ZFPM2: variants seen among roughly 807,000 people sequenced by gnomAD.
ZFPM2 encodes the protein zinc finger protein ZFPM2.
Under a neutral mutation model 98.6 loss-of-function variants are expected in ZFPM2, and 20 were observed. The ratio of observed to expected loss-of-function variants is 0.20; its 90% CI spans 0.14 to 0.29. The LOEUF (loss-of-function observed/expected upper bound fraction) is 0.29. Among genes scored for constraint, ZFPM2 ranks in the 10% least tolerant of loss-of-function variants. The pLI is 1.00. For missense variants in ZFPM2, 1,310 were observed against 1,388.6 expected, an observed-to-expected ratio of 0.94 and a Z score of 0.90; for synonymous variants, 518 against 502.7, an observed-to-expected ratio of 1.03 and a Z score of -0.41.
intron 4 of ZFPM2, among the ~76,000 whole-genome samples, chr8:105,570,403 A>G (rs1300001483): frequency 6.6e-6 from 1 of 152,088 alleles, no homozygotes; most frequent in African/African-American, 2.4e-5. Flanking sequence ...AAGGCCTGCT[A>G]TTGAATGTGA....
intron 3 of ZFPM2, among the ~76,000 whole-genome samples, chr8:105,462,410 TC>T (rs1262921785): frequency 6.6e-6 from 1 of 152,104 alleles, no homozygotes; most frequent in Non-Finnish European, 1.5e-5. Context: ...CTGCAAAGCT[TC>T]CTGTGCGAAG....
chr8:105,397,424 T>C (rs1209051009), intron 1 of ZFPM2, among the ~76,000 whole-genome samples: 1 of 152,198 alleles, frequency 6.6e-6, no homozygotes, highest in South Asian at 2.1e-4. Flanking sequence ...GTAGTTTTGC[T>C]GTACTGCTTT....
chr8:105,337,002 A>G (rs1235575651), intron 1 of ZFPM2, among the ~76,000 whole-genome samples: 1 of 151,828 alleles, frequency 6.6e-6, no homozygotes, highest in Non-Finnish European at 1.5e-5. Context: ...AAATTCCTTT[A>G]GAAAGATCCT....
intron 1 of ZFPM2, among the ~76,000 whole-genome samples, chr8:105,376,970 T>TC: frequency 6.6e-6 from 1 of 152,348 alleles, no homozygotes. Flanking sequence ...CTTTGAAACT[T>TC]CCTGCTCAGC....
chr8:105,568,590 C>G (rs1815288479), intron 4 of ZFPM2, among the ~76,000 whole-genome samples: 1 of 152,146 alleles, frequency 6.6e-6, no homozygotes, highest in South Asian at 2.1e-4. Flanking sequence ...TGATTGTTCT[C>G]CTCTTTCTGT....
intron 5 of ZFPM2, among the ~76,000 whole-genome samples, chr8:105,741,302 C>T (rs1332605320): frequency 1.3e-5 from 2 of 152,024 alleles, no homozygotes; most frequent in African/African-American, 2.4e-5. Context: ...TGAAACTGAG[C>T]GCCTATTAGG....
chr8:105,415,953 C>T (rs996754581), intron 1 of ZFPM2, among the ~76,000 whole-genome samples: 1 of 151,842 alleles, frequency 6.6e-6, no homozygotes. Flanking sequence ...AAATTTTGAA[C>T]AAATGAGCTT....
At chr8:105,410,555 A>T (rs1395225404) in intron 1 of ZFPM2, among the ~76,000 whole-genome samples, 2 of 151,922 alleles carry the variant, frequency 1.3e-5, no homozygotes, top group Admixed American at 1.3e-4. Flanking sequence ...ATAACTTAGA[A>T]ATCACTTCCT....
In ZFPM2 at chr8:105,802,166, C is replaced by A; in HGVS notation, c.2084C>A (p.Thr695Asn). The A allele has an allele frequency of 6.2e-7, 1 of 1,613,918 alleles. No individual in the cohort carries two copies. The highest frequency in any genetic ancestry group is 8.5e-7 in the Non-Finnish European group (1 of 1,179,872). The change falls in exon 8 of 8, where the codon ACC becomes AAC. Residue 695 changes from threonine to asparagine, a missense_variant. Coordinates refer to ENST00000407775, the MANE Select transcript of ZFPM2 (RefSeq NM_012082.4). ...ACTACCTGTGAAGCTTGCAACATTA[C>A]CTTCAGCCGGCACGAAACATACATG... ...NKTTCEACNI[T>N]FSRHETYMVH... is the part of the protein sequence containing the mutation.
chr8:105,370,769 T>C (rs529948133), intron 1 of ZFPM2, among the ~76,000 whole-genome samples: 1 of 152,348 alleles, frequency 6.6e-6, no homozygotes, highest in East Asian at 1.9e-4. Flanking sequence ...ATGTGCTGTA[T>C]TTTATGCCTG....
At chr8:105,360,630 G>A (rs200726501) in intron 1 of ZFPM2, among the ~76,000 whole-genome samples, 1 of 100,756 alleles carries the variant, frequency 9.9e-6, no homozygotes, top group Non-Finnish European at 1.9e-5. Context: ...CCCCTCCCCC[G>A]ACCCCACAAC....
At chr8:105,330,499 A>C (rs1318985923) in intron 1 of ZFPM2, among the ~76,000 whole-genome samples, 2 of 147,110 alleles carry the variant, frequency 1.4e-5, no homozygotes, top group Non-Finnish European at 3.0e-5. Context: ...TCTTCTATAT[A>C]GATTTATATG....
chr8:105,718,896 T>C (rs1281808208), intron 5 of ZFPM2, among the ~76,000 whole-genome samples: 1 of 151,888 alleles, frequency 6.6e-6, no homozygotes, highest in African/African-American at 2.4e-5. Context: ...AACTTTATGT[T>C]ACAAATGAGA....
intron 4 of ZFPM2, among the ~76,000 whole-genome samples, chr8:105,578,282 G>A (rs1164530450): frequency 1.3e-5 from 2 of 152,004 alleles, no homozygotes; most frequent in Admixed American, 6.6e-5. Context: ...AGTATCTTTT[G>A]CTAGTGCACA....
intron 4 of ZFPM2, among the ~76,000 whole-genome samples, chr8:105,564,301 T>G (rs1227241751): frequency 1.3e-5 from 2 of 152,016 alleles, no homozygotes; most frequent in African/African-American, 2.4e-5. Context: ...TACTTCAGTT[T>G]TCTTCTTTTG....
At chr8:105,528,950 G>T (rs1460299917) in intron 3 of ZFPM2, 1 of 152,098 alleles carries the variant, frequency 6.6e-6, no homozygotes, top group Admixed American at 6.6e-5. Flanking sequence ...TCATTCTACT[G>T]TAGGGCTTCT....
intron 1 of ZFPM2, among the ~76,000 whole-genome samples, chr8:105,330,543 T>TATATATATACATATATATATATATAC (rs1812193551): frequency 1.2e-5 from 1 of 83,978 alleles, no homozygotes. Flanking sequence ...TCTCTCTATA[T>TATATATATACATATATATATATATAC]ATATATATAC....
intron 2 of ZFPM2, among the ~76,000 whole-genome samples, chr8:105,434,265 G>A (rs1313086491): frequency 3.3e-5 from 5 of 151,804 alleles, no homozygotes; most frequent in Admixed American, 6.6e-5. Flanking sequence ...AGATAGAATC[G>A]TGTCTATAAT....
intron 4 of ZFPM2, among the ~76,000 whole-genome samples, chr8:105,576,364 T>C (rs189218229): frequency 6.6e-6 from 1 of 152,136 alleles, no homozygotes; most frequent in Non-Finnish European, 1.5e-5. Flanking sequence ...GGTTGTCAGA[T>C]GAGTGAATGA....
Sources: gnomAD v4.1 joint callset for allele counts (sites outside exome capture counted in the v4.1 genomes callset) on GRCh38, gnomAD v4.1.1 for gene constraint, MANE v1.5 for transcripts, NCBI Gene and HGNC (gene_info 2026-07-23, HGNC 2026-07-21) for gene names.